BTG4: variants seen among roughly 807,000 people sequenced by gnomAD.
BTG4 encodes the protein BTG anti-proliferation factor 4, also known as protein BTG4.
BTG4 carries 10 observed loss-of-function variants against 19.3 expected under a neutral mutation model. The ratio of observed to expected loss-of-function variants is 0.52; its 90% CI spans 0.32 to 0.88. The LOEUF is 0.88. BTG4 is among the 40% of genes least tolerant of loss of function. The pLI, the probability that BTG4 is intolerant of heterozygous loss-of-function variation, is 0.04. For synonymous variants in BTG4, 91 were observed against 95.7 expected, an observed-to-expected ratio of 0.95 and a Z score of 0.29; for missense variants, 238 against 281.9, an observed-to-expected ratio of 0.84 and a Z score of 1.11.
the BTG4 span, among the ~76,000 whole-genome samples, chr11:111,401,430 C>T: frequency 6.7e-6 from 1 of 149,776 alleles, no homozygotes; most frequent in South Asian, 2.1e-4. Context: ...TGCAGTGAGC[C>T]GAGATTGAGA....
the BTG4 span, among the ~76,000 whole-genome samples, chr11:111,410,825 C>T: frequency 6.5e-3 from 986 of 152,322 alleles, 17 homozygotes; most frequent in Non-Finnish European, 5.5e-3. Flanking sequence ...ATCAAATCAG[C>T]TCCTCTTGCA....
chr11:111,466,929 A>T (rs145989622), downstream of BTG4: 8 of 152,780 alleles, frequency 5.2e-5, no homozygotes, highest in Admixed American at 3.3e-4. Flanking sequence ...GCAGTTACTC[A>T]TGGAGCCTAG....
intron 5 of BTG4, among the ~76,000 whole-genome samples, chr11:111,473,717 A>T (rs1336450295): frequency 2.0e-5 from 3 of 152,162 alleles, no homozygotes; most frequent in Non-Finnish European, 4.4e-5. Context: ...ATAGTAAAAA[A>T]GTTGTAGTTT....
At chr11:111,485,660 TAAAC>T (rs1360624387) in intron 5 of BTG4, among the ~76,000 whole-genome samples, 5 of 151,844 alleles carry the variant, frequency 3.3e-5, no homozygotes, top group African/African-American at 1.2e-4. Flanking sequence ...AAACTTCAAA[TAAAC>T]AATCTAACAA....
chr11:111,454,225 GACCCCC>G, the BTG4 span: 1 of 445,696 alleles, frequency 2.2e-6, no homozygotes, highest in Non-Finnish European at 4.5e-6. Context: ...TCTTCCCTCC[GACCCCC>G]ACAGGTGGGA....
At chr11:111,513,143 C>A (rs1867073327), upstream of BTG4, 3 of 385,734 alleles carry the variant, frequency 7.8e-6, no homozygotes, top group South Asian at 4.0e-5. Flanking sequence ...CGCGAGCGCC[C>A]GCTGCAAGTG....
the BTG4 span, among the ~76,000 whole-genome samples, chr11:111,437,282 G>A: frequency 6.6e-6 from 1 of 152,004 alleles, no homozygotes; most frequent in Non-Finnish European, 1.5e-5. Flanking sequence ...CGGGAGGAGT[G>A]TATTGATCTG....
the BTG4 span, among the ~76,000 whole-genome samples, chr11:111,420,651 G>C: frequency 1.3e-5 from 2 of 152,216 alleles, no homozygotes; most frequent in African/African-American, 4.8e-5. Context: ...GCATTCAACA[G>C]TTTGAGACAC....
At chr11:111,402,808 G>A in the BTG4 span, among the ~76,000 whole-genome samples, 2 of 152,068 alleles carry the variant, frequency 1.3e-5, no homozygotes, top group Non-Finnish European at 2.9e-5. Context: ...TGGCCTTTCA[G>A]AATCCACATT....
At chr11:111,396,633 T>A in the BTG4 span, among the ~76,000 whole-genome samples, 1 of 152,376 alleles carries the variant, frequency 6.6e-6, no homozygotes, top group South Asian at 2.1e-4. Flanking sequence ...GCCCTCAATG[T>A]GTTCTCAGGC....
the BTG4 span, among the ~76,000 whole-genome samples, chr11:111,392,139 A>G: frequency 4.1e-5 from 6 of 146,036 alleles, no homozygotes; most frequent in African/African-American, 1.3e-4. Flanking sequence ...CCTAGAACCT[A>G]GCCTCCAGCT....
chr11:111,439,286 A>G, the BTG4 span, among the ~76,000 whole-genome samples: 1 of 152,222 alleles, frequency 6.6e-6, no homozygotes, highest in Non-Finnish European at 1.5e-5. Context: ...CCCCCTCTGG[A>G]GGCTTTGCCC....
intron 1 of BTG4, among the ~76,000 whole-genome samples, chr11:111,506,092 A>G (rs539462436): frequency 6.6e-6 from 1 of 152,154 alleles, no homozygotes; most frequent in Non-Finnish European, 1.5e-5. Context: ...TAAAAATAGA[A>G]CTATCATTCG....
At chr11:111,418,773 G>T in the BTG4 span, among the ~76,000 whole-genome samples, 1 of 152,164 alleles carries the variant, frequency 6.6e-6, no homozygotes, top group Non-Finnish European at 1.5e-5. Context: ...TGGGAAAACC[G>T]GAAGCATCTA....
chr11:111,511,027 A>G (rs1318234664), intron 1 of BTG4, among the ~76,000 whole-genome samples: 1 of 152,252 alleles, frequency 6.6e-6, no homozygotes, highest in African/African-American at 2.4e-5. Flanking sequence ...GCATATTGTT[A>G]ATGGAATGAA....
At chr11:111,392,603 G>A in the BTG4 span, among the ~76,000 whole-genome samples, 3 of 152,134 alleles carry the variant, frequency 2.0e-5, no homozygotes, top group African/African-American at 7.2e-5. Context: ...TGAGGCTGCC[G>A]GTCCAGGGAT....
At chr11:111,500,655 A>C (rs1167809343) in intron 1 of BTG4, among the ~76,000 whole-genome samples, 2 of 149,404 alleles carry the variant, frequency 1.3e-5, no homozygotes, top group African/African-American at 4.9e-5. Flanking sequence ...CATCACAATG[A>C]GTGTCAGGTG....
chr11:111,387,480 C>G, the BTG4 span, among the ~76,000 whole-genome samples: 1 of 152,222 alleles, frequency 6.6e-6, no homozygotes, highest in East Asian at 1.9e-4. Context: ...GGCGCCTGGA[C>G]GAGTGCCAGT....
chr11:111,423,855 C>A, the BTG4 span, among the ~76,000 whole-genome samples: 1 of 152,086 alleles, frequency 6.6e-6, no homozygotes, highest in African/African-American at 2.4e-5. Context: ...ACTGTTAAGA[C>A]GAAAGGACAT....
Sources: allele counts gnomAD v4.1 joint callset (sites outside exome capture counted in the v4.1 genomes callset), GRCh38; gene constraint gnomAD v4.1.1; transcripts MANE v1.5; gene names NCBI Gene and HGNC (gene_info 2026-07-23, HGNC 2026-07-21).